The following DNAAF11 variants were observed in gnomAD, a reference collection of about 807,000 sequenced individuals.
DNAAF11 encodes the protein dynein axonemal assembly factor 11, also known as leucine rich repeat containing 6.
In DNAAF11, 45 loss-of-function variants were observed where a neutral mutation model predicts 60.8. The ratio of observed to expected loss-of-function variants is 0.74; its 90% CI spans 0.58 to 0.95. DNAAF11 has a LOEUF of 0.95. Ranked by LOEUF, DNAAF11 falls within the 40% of genes least tolerant of loss-of-function variation. DNAAF11 has a pLI of 0.00. For synonymous variants in DNAAF11, 191 were observed against 183.5 expected (o/e 1.04, Z -0.33); for missense variants, 546 against 546.2 (o/e 1.00, Z 0.00).
intron 9 of DNAAF11, among the ~76,000 whole-genome samples, chr8:132,610,746 C>T (rs1017185157): frequency 6.6e-6 from 1 of 152,154 alleles, no homozygotes; most frequent in Admixed American, 6.6e-5. Context: ...ACAATAGACA[C>T]AGGTTTAAAA....
At chr8:132,617,347 A>C (rs1368885118) in intron 7 of DNAAF11, among the ~76,000 whole-genome samples, 4 of 152,206 alleles carry the variant, frequency 2.6e-5, no homozygotes, top group African/African-American at 9.7e-5. Flanking sequence ...GCAGTCAGTA[A>C]GATAGAAGAA....
chr8:132,675,325 A>G, intron 1 of DNAAF11, 159 bp downstream of exon 1: 1 of 694,014 alleles, frequency 1.4e-6, no homozygotes, highest in Non-Finnish European at 2.4e-6. Flanking sequence ...GACCTGGTGC[A>G]GCCGGGGCTG....
chr8:132,615,066 G>C lies in DNAAF11; in HGVS notation c.946C>G (p.Gln316Glu), dbSNP rs761129792. Residue 316 changes from glutamine (Q) to glutamate (E), a missense_variant, in exon 8 of 12, where the codon CAG (glutamine) becomes GAG (glutamate). By Grantham distance (29) the Gln-to-Glu change is conservative. Transcript: ENST00000620350. ...IDFSLKDNEK[Q>E]IILDLAVYRY... ...TAGACAGCAAGGTCCAGGATGATCTGCTTTTCGTTATCTTTCAAAGAGAAG... is the reference window on the plus strand; with the variant it reads ...TAGACAGCAAGGTCCAGGATGATCTCCTTTTCGTTATCTTTCAAAGAGAAG... 2 of 1,607,688 alleles carry C rather than the reference G, an allele frequency of 1.2e-6. No individual in the cohort carries two copies. Among genetic ancestry groups the C allele is most frequent in the Non-Finnish European group, 1.7e-6 (2 of 1,174,876 alleles).
At chr8:132,689,109 G>A in the DNAAF11 span, among the ~76,000 whole-genome samples, 2 of 152,200 alleles carry the variant, frequency 1.3e-5, no homozygotes, top group Non-Finnish European at 1.5e-5. Context: ...AGAGAGGAAA[G>A]ATGGCACATG....
At chr8:132,672,959 C>T (rs953332195) in intron 1 of DNAAF11, among the ~76,000 whole-genome samples, 2 of 152,140 alleles carry the variant, frequency 1.3e-5, no homozygotes, top group African/African-American at 2.4e-5. Context: ...CTAATGACAT[C>T]CCTGCGTCTT....
rs758765614 is a variant in DNAAF11, at chr8:132,632,817, T to C, written c.576A>G (p.Gln192=). 9.9e-6 allele frequency: 16 copies of C among 1,614,010 alleles called. No individual in the cohort carries two copies. The highest frequency in any genetic ancestry group is 1.4e-5 in the Non-Finnish European group (16 of 1,179,910). Residue 192 remains glutamine, a synonymous_variant, in exon 5 of 12, where the codon CAA becomes CAG. Coordinates refer to ENST00000620350, the MANE Select transcript of DNAAF11 (RefSeq NM_012472.6). ...KLKEEAQRKH[Q]EEDKNEDKRS... ...TCTTGTCTTCATTTTTATCCTCTTC[T>C]TGGTGTTTCCTCTGAGCCTCTTCCT...
chr8:132,670,666 T>G (rs1825094401), intron 1 of DNAAF11, among the ~76,000 whole-genome samples: 1 of 152,096 alleles, frequency 6.6e-6, no homozygotes, highest in Non-Finnish European at 1.5e-5. Context: ...AAAAGAAAAC[T>G]ACAGATCCAT....
chr8:132,628,339 G>C (rs1490812204), intron 5 of DNAAF11, among the ~76,000 whole-genome samples: 1 of 152,174 alleles, frequency 6.6e-6, no homozygotes, highest in Non-Finnish European at 1.5e-5. Context: ...TTGAACCCAG[G>C]AGGCAGAGAT....
At chr8:132,676,458 A>G (rs1469063967), upstream of DNAAF11, among the ~76,000 whole-genome samples, 1 of 152,218 alleles carries the variant, frequency 6.6e-6, no homozygotes, top group Non-Finnish European at 1.5e-5. Context: ...CAATATGTAA[A>G]AGGTAAAACC....
the DNAAF11 span, chr8:132,687,792 A>G: frequency 2.4e-6 from 1 of 424,340 alleles, no homozygotes; most frequent in Non-Finnish European, 4.7e-6. Flanking sequence ...TTTGGCTTTG[A>G]TATTGACCTG....
rs375469761 is a variant in DNAAF11 at position 132,578,452 on chromosome 8, C to T, written c.1226+5242G>A. The stretch of plus-strand genomic sequence containing the variant: ...ATGTCAGAGGCCTCTAGGACGGACG[C>T]CCATCACTGGTCTTACCCACGACCT... On this transcript the variant is annotated intron_variant, in intron 11 of 11. Coordinates refer to ENST00000620350, the MANE Select transcript of DNAAF11 (RefSeq NM_012472.6). The T allele has an allele frequency of 6.2e-3, 9,491 of 1,526,474 alleles. 38 individuals are homozygous for T. Among genetic ancestry groups the T allele is most frequent in the Non-Finnish European group, 7.2e-3 (8,184 of 1,144,500 alleles). The allele number at this position is 1,526,474 out of a possible 1,614,324, so 94.6% of individuals were successfully genotyped here. A position where few individuals can be genotyped will look rare whatever the true frequency, so the allele number is the denominator to read the frequency against.
intron 1 of DNAAF11, among the ~76,000 whole-genome samples, chr8:132,663,033 G>T (rs1346712732): frequency 6.6e-6 from 1 of 152,214 alleles, no homozygotes; most frequent in Non-Finnish European, 1.5e-5. Context: ...CAATGTAGAG[G>T]TTGAGAGATT....
At position 132,622,684 on chromosome 8, in the gene DNAAF11, T is replaced by C. The variant is rs1819879770; in HGVS notation, c.841A>G (p.Lys281Glu). 2 of 1,612,358 alleles carry C rather than the reference T, an allele frequency of 1.2e-6. No individual in the cohort carries two copies. Reference sequence around the variant, plus strand: ...CTGGGTGGTTTCACTTTCTTCTTTTTTTCACTTAAGATTGGTGGTGGATGA... The same window carrying C: ...CTGGGTGGTTTCACTTTCTTCTTTTCTTCACTTAAGATTGGTGGTGGATGA... ...QRKKQEKLSE[K>E]KKKVKPPRTL... The change falls in exon 7 of 12, where the codon AAA (lysine) becomes GAA (glutamate). Residue 281 changes from lysine to glutamate, a missense_variant. Physicochemically the swap from Lys to Glu is moderately conservative, Grantham distance 56. Coordinates refer to ENST00000620350, the MANE Select transcript of DNAAF11 (RefSeq NM_012472.6).
At chr8:132,664,522 G>A (rs1024138985) in intron 1 of DNAAF11, among the ~76,000 whole-genome samples, 4 of 152,150 alleles carry the variant, frequency 2.6e-5, no homozygotes, top group Non-Finnish European at 5.9e-5. Context: ...CCAGGCTGGA[G>A]TGCAGTGGCA....
chr8:132,689,253 T>C, the DNAAF11 span, among the ~76,000 whole-genome samples: 53 of 152,288 alleles, frequency 3.5e-4, no homozygotes, highest in African/African-American at 1.2e-3. Context: ...AGTATTTCTA[T>C]TGACGGGTTT....
intron 1 of DNAAF11, among the ~76,000 whole-genome samples, chr8:132,662,571 G>A (rs1245875237): frequency 6.6e-6 from 1 of 152,182 alleles, no homozygotes; most frequent in Non-Finnish European, 1.5e-5. Context: ...GTGCCAGGTA[G>A]TATTCTAAAT....
chr8:132,635,680 T>C (rs1033973402), intron 4 of DNAAF11, among the ~76,000 whole-genome samples: 1 of 152,000 alleles, frequency 6.6e-6, no homozygotes, highest in Non-Finnish European at 1.5e-5. Flanking sequence ...TTTTGGGAAA[T>C]AGGGTTATTA....
At chr8:132,575,256 A>T (rs905487568) in intron 11 of DNAAF11, among the ~76,000 whole-genome samples, 1 of 152,214 alleles carries the variant, frequency 6.6e-6, no homozygotes, top group African/African-American at 2.4e-5. Flanking sequence ...GACAATGAAC[A>T]TAAGGCTGTT....
chr8:132,581,731 A>G (rs1306389073), intron 11 of DNAAF11, among the ~76,000 whole-genome samples: 1 of 148,436 alleles, frequency 6.7e-6, no homozygotes, highest in African/African-American at 2.6e-5. Flanking sequence ...TCCTGGTTCT[A>G]CCACTTATCA....
Sources: gnomAD v4.1 joint callset for allele counts (sites outside exome capture counted in the v4.1 genomes callset) on GRCh38, gnomAD v4.1.1 for gene constraint, MANE v1.5 for transcripts, NCBI Gene and HGNC (gene_info 2026-07-23, HGNC 2026-07-21) for gene names.